Variants in PRKG1 observed in about 807,000 individuals in gnomAD.
PRKG1 encodes the protein protein kinase cGMP-dependent 1, also known as cGMP-dependent protein kinase 1.
Under a neutral mutation model 88.1 loss-of-function variants are expected in PRKG1, and 35 were observed. The observed-to-expected ratio is 0.40, with a 90% confidence interval of 0.30 to 0.53. PRKG1 has a LOEUF of 0.53. PRKG1 is among the 20% of genes least tolerant of loss of function. The pLI, the probability that PRKG1 is intolerant of heterozygous loss-of-function variation, is 0.59. For synonymous variants in PRKG1, 303 were observed against 292.5 expected, an observed-to-expected ratio of 1.04 and a Z score of -0.37; for missense variants, 540 against 839.8, an observed-to-expected ratio of 0.64 and a Z score of 4.41.
At chr10:51,083,077 T>C (rs931986878) in intron 1 of PRKG1, among the ~76,000 whole-genome samples, 90 of 152,310 alleles carry the variant, frequency 5.9e-4, no homozygotes, top group African/African-American at 2.0e-3. Flanking sequence ...CTTTCTTGTT[T>C]CTTTTTGAGC....
chr10:51,711,976 C>T (rs2132434345), intron 3 of PRKG1, among the ~76,000 whole-genome samples: 1 of 152,138 alleles, frequency 6.6e-6, no homozygotes, highest in East Asian at 1.9e-4. Flanking sequence ...GCATTCATGG[C>T]TGAGGTTTCT....
intron 2 of PRKG1, among the ~76,000 whole-genome samples, chr10:51,243,971 C>T (rs1839221015): frequency 6.6e-6 from 1 of 152,134 alleles, no homozygotes; most frequent in Admixed American, 6.5e-5. Flanking sequence ...GTAATTATCC[C>T]TAACAAATGT....
chr10:51,756,731 C>T (rs867589786), intron 3 of PRKG1, among the ~76,000 whole-genome samples: 80 of 151,928 alleles, frequency 5.3e-4, no homozygotes, highest in African/African-American at 1.8e-3. Flanking sequence ...AGGAGGATGG[C>T]GTGAACCCGG....
intron 2 of PRKG1, among the ~76,000 whole-genome samples, chr10:51,277,421 C>T (rs557168059): frequency 1.3e-5 from 2 of 152,236 alleles, no homozygotes; most frequent in Admixed American, 1.3e-4. Flanking sequence ...GTTCTTTTGG[C>T]TTAGGATTGT....
intron 3 of PRKG1, among the ~76,000 whole-genome samples, chr10:51,730,419 C>T (rs1041104275): frequency 4.6e-5 from 7 of 152,270 alleles, no homozygotes; most frequent in African/African-American, 7.2e-5. Context: ...CTAGAAATAA[C>T]GCATTTTAGA....
At chr10:52,157,674 T>C (rs1838160610) in intron 8 of PRKG1, among the ~76,000 whole-genome samples, 1 of 151,570 alleles carries the variant, frequency 6.6e-6, no homozygotes, top group African/African-American at 2.4e-5. Flanking sequence ...TAACTGATAT[T>C]CCTAAGGACA....
At chr10:51,875,445 T>C (rs1053250297) in intron 4 of PRKG1, among the ~76,000 whole-genome samples, 1 of 152,030 alleles carries the variant, frequency 6.6e-6, no homozygotes, top group Non-Finnish European at 1.5e-5. Context: ...GTTGGTTGGT[T>C]GGCTGATTTT....
At chr10:51,862,383 G>A (rs1840901670) in intron 4 of PRKG1, among the ~76,000 whole-genome samples, 1 of 152,076 alleles carries the variant, frequency 6.6e-6, no homozygotes, top group South Asian at 2.1e-4. Context: ...CCATTTGGTG[G>A]GTTCCGGGTT....
chr10:51,866,039 G>GTT (rs1354594219), intron 4 of PRKG1, among the ~76,000 whole-genome samples: 48 of 151,980 alleles, frequency 3.2e-4, no homozygotes, highest in Non-Finnish European at 5.9e-4. Context: ...GATCATTCAA[G>GTT]TGTGAGTTTA....
intron 1 of PRKG1, among the ~76,000 whole-genome samples, chr10:51,011,084 C>G (rs1008915048): frequency 6.6e-6 from 1 of 152,098 alleles, no homozygotes; most frequent in East Asian, 1.9e-4. Flanking sequence ...AATAAATTTC[C>G]TAAGTTACCA....
chr10:51,226,908 T>C (rs923115450), intron 2 of PRKG1, among the ~76,000 whole-genome samples: 2 of 152,098 alleles, frequency 1.3e-5, no homozygotes, highest in African/African-American at 4.8e-5. Context: ...CAGGAGATAC[T>C]CAACTATTGA....
In PRKG1 at chr10:51,817,365, C is replaced by T. The variant is rs566791970; in HGVS notation, c.698+12675C>T. On this transcript the variant is annotated intron_variant, in intron 4 of 17. Transcript: ENST00000373980. ...CTCCCCAACCCCCCCCCTCCCCTGA[C>T]AGGCCCTGGTGTGTGAAGTTCCCCT... 2.9e-5 allele frequency among the ~76,000 whole-genome samples: 4 copies of T among 136,952 alleles called. No homozygotes were observed. In the South Asian group the frequency reaches 1.0e-3, roughly 35 times the overall value. The allele number at this position is 136,952 out of a possible 152,430, so 89.8% of individuals were successfully genotyped here.
chr10:51,859,619 CA>C (rs143952144), intron 4 of PRKG1, among the ~76,000 whole-genome samples: 265 of 152,178 alleles, frequency 1.7e-3, no homozygotes, highest in African/African-American at 6.1e-3. Context: ...GATATTCTTA[CA>C]AAAATGCACA....
intron 3 of PRKG1, among the ~76,000 whole-genome samples, chr10:51,540,380 A>G (rs1009778011): frequency 1.3e-5 from 2 of 152,178 alleles, no homozygotes; most frequent in Non-Finnish European, 2.9e-5. Flanking sequence ...TCAACTGAAA[A>G]GTTTCAGGAT....
chr10:51,305,198 G>A (rs1228581626), intron 2 of PRKG1, among the ~76,000 whole-genome samples: 1 of 152,134 alleles, frequency 6.6e-6, no homozygotes, highest in Non-Finnish European at 1.5e-5. Context: ...CTATGAGACT[G>A]CTACCCTAGT....
At chr10:51,811,299 T>C (rs1839450111) in intron 4 of PRKG1, among the ~76,000 whole-genome samples, 1 of 152,176 alleles carries the variant, frequency 6.6e-6, no homozygotes, top group Non-Finnish European at 1.5e-5. Flanking sequence ...ATATTCTAAC[T>C]ATATACCTTT....
intron 5 of PRKG1, among the ~76,000 whole-genome samples, chr10:51,932,616 G>T (rs1387964394): frequency 1.3e-5 from 2 of 152,174 alleles, no homozygotes; most frequent in African/African-American, 4.8e-5. Context: ...TAGGGACCAA[G>T]CGTGGGGTTT....
chr10:51,829,924 G>A (rs1029765647), intron 4 of PRKG1, among the ~76,000 whole-genome samples: 4 of 152,146 alleles, frequency 2.6e-5, no homozygotes, highest in Non-Finnish European at 4.4e-5. Flanking sequence ...ATTGGTAAGA[G>A]CTGTTCAAAA....
chr10:51,357,101 A>G (rs1842382918), intron 2 of PRKG1, among the ~76,000 whole-genome samples: 1 of 151,968 alleles, frequency 6.6e-6, no homozygotes. Flanking sequence ...GACTTCAATT[A>G]GCCTGCTTTC....
Sources: gnomAD v4.1 joint callset for allele counts (sites outside exome capture counted in the v4.1 genomes callset) on GRCh38, gnomAD v4.1.1 for gene constraint, MANE v1.5 for transcripts, NCBI Gene and HGNC (gene_info 2026-07-23, HGNC 2026-07-21) for gene names.